The following STPG2 variants were observed in gnomAD, a reference collection of about 807,000 sequenced individuals.
The protein encoded by STPG2 is sperm tail PG-rich repeat containing 2.
STPG2 carries 56 observed loss-of-function variants against 54.2 expected under a neutral mutation model. The observed-to-expected ratio is 1.03, with a 90% CI of 0.83 to 1.29. The LOEUF is 1.29. Ranked by LOEUF, STPG2 falls within the 50% of genes most tolerant of loss-of-function variation. The probability of loss-of-function intolerance (pLI) is 0.00; values close to 1 mark genes in which losing one functional copy is unlikely to be tolerated. For synonymous variants in STPG2, 200 were observed against 181.8 expected (o/e 1.10, Z -0.81); for missense variants, 596 against 544.9 (o/e 1.09, Z -0.93).
At chr4:97,958,136 C>G (rs1456511225) in intron 7 of STPG2, among the ~76,000 whole-genome samples, 1 of 151,912 alleles carries the variant, frequency 6.6e-6, no homozygotes, top group Non-Finnish European at 1.5e-5. Context: ...ATGGTAAAAC[C>G]CTGTCTCTAC....
intron 9 of STPG2, among the ~76,000 whole-genome samples, chr4:97,817,814 C>A (rs1179800203): frequency 1.3e-5 from 2 of 151,842 alleles, no homozygotes; most frequent in Non-Finnish European, 2.9e-5. Flanking sequence ...TTAAAATTTT[C>A]TTTTCCTAAT....
intron 4 of STPG2, among the ~76,000 whole-genome samples, chr4:97,543,722 A>G (rs1406032668): frequency 6.6e-6 from 1 of 152,166 alleles, no homozygotes; most frequent in Non-Finnish European, 1.5e-5. Context: ...TAAGATTTAC[A>G]TAATTTTATT....
intron 8 of STPG2, among the ~76,000 whole-genome samples, chr4:97,859,155 TC>T (rs1729425934): frequency 6.6e-6 from 1 of 152,208 alleles, no homozygotes; most frequent in Non-Finnish European, 1.5e-5. Flanking sequence ...GCAATGTTGA[TC>T]TTTTTTTTCA....
At chr4:97,828,999 G>A (rs983360829) in intron 9 of STPG2, among the ~76,000 whole-genome samples, 8 of 152,156 alleles carry the variant, frequency 5.3e-5, no homozygotes, top group Non-Finnish European at 8.8e-5. Flanking sequence ...AGCAGATCTC[G>A]AAGCACAGCG....
At chr4:97,878,037 C>A (rs1730240665) in intron 8 of STPG2, among the ~76,000 whole-genome samples, 1 of 152,222 alleles carries the variant, frequency 6.6e-6, no homozygotes, top group Non-Finnish European at 1.5e-5. Context: ...TGAAATTCAG[C>A]AGGGCAGTTA....
chr4:98,067,574 T>C (rs1303951432), intron 5 of STPG2, among the ~76,000 whole-genome samples: 1 of 152,138 alleles, frequency 6.6e-6, no homozygotes, highest in Non-Finnish European at 1.5e-5. Flanking sequence ...CTTCGTAAAG[T>C]TTTTGGAGCA....
intron 10 of STPG2, among the ~76,000 whole-genome samples, chr4:97,672,802 G>A (rs1311648696): frequency 6.6e-6 from 1 of 152,212 alleles, no homozygotes; most frequent in Non-Finnish European, 1.5e-5. Context: ...GAAGGCACGT[G>A]ATAATGTTGA....
chr4:97,796,584 T>C (rs957781930), intron 9 of STPG2, among the ~76,000 whole-genome samples: 6 of 152,208 alleles, frequency 3.9e-5, no homozygotes, highest in Non-Finnish European at 7.3e-5. Flanking sequence ...ACTAGTACCA[T>C]GCTGTTTTGG....
chr4:97,457,686 T>G (rs1267021482), intron 4 of STPG2, among the ~76,000 whole-genome samples: 1 of 152,200 alleles, frequency 6.6e-6, no homozygotes, highest in Non-Finnish European at 1.5e-5. Flanking sequence ...TTTAACAGTT[T>G]GCAACAAAAA....
chr4:98,099,867 C>A (rs1738975004), intron 5 of STPG2, among the ~76,000 whole-genome samples: 2 of 151,970 alleles, frequency 1.3e-5, no homozygotes, highest in African/African-American at 2.4e-5. Flanking sequence ...TAACAACTGA[C>A]CTGTACATTT....
chr4:97,682,207 G>A (rs1723059533), intron 10 of STPG2, among the ~76,000 whole-genome samples: 1 of 151,604 alleles, frequency 6.6e-6, no homozygotes, highest in Non-Finnish European at 1.5e-5. Flanking sequence ...CAAAAAATAT[G>A]TCATTTAAAA....
chr4:98,128,316 A>C, intron 3 of STPG2, 112 bp downstream of exon 3: 1 of 1,032,188 alleles, frequency 9.7e-7, no homozygotes, highest in Admixed American at 3.5e-5. Context: ...TGTTCCATTA[A>C]CTAAAACGTG....
chr4:97,537,417 G>A (rs1294636356), intron 4 of STPG2, among the ~76,000 whole-genome samples: 1 of 152,164 alleles, frequency 6.6e-6, no homozygotes, highest in South Asian at 2.1e-4. Context: ...AGGCTTGGAG[G>A]GTCCCACACC....
chr4:97,782,176 G>A (rs1374830954), intron 9 of STPG2, among the ~76,000 whole-genome samples: 1 of 152,188 alleles, frequency 6.6e-6, no homozygotes. Flanking sequence ...TGTATATTTA[G>A]AAAAGCCCAT....
chr4:97,645,523 C>T (rs1721888775), intron 10 of STPG2, among the ~76,000 whole-genome samples: 1 of 152,126 alleles, frequency 6.6e-6, no homozygotes, highest in Admixed American at 6.6e-5. Context: ...TGCCTTTTAA[C>T]CTTTGCCATG....
chr4:97,793,370 T>TACAC (rs3046530), intron 9 of STPG2, among the ~76,000 whole-genome samples: 372 of 147,954 alleles, frequency 2.5e-3, no homozygotes, highest in East Asian at 8.8e-3. Flanking sequence ...GTTTTATATA[T>TACAC]ACACACACAC....
intron 9 of STPG2, among the ~76,000 whole-genome samples, chr4:97,739,177 C>T (rs868486766): frequency 1.3e-5 from 2 of 151,988 alleles, no homozygotes; most frequent in African/African-American, 4.8e-5. Flanking sequence ...AGAACAAAGA[C>T]ACAACATACC....
intron 5 of STPG2, among the ~76,000 whole-genome samples, chr4:98,004,656 A>AT (rs1444189971): frequency 6.6e-6 from 1 of 152,140 alleles, no homozygotes; most frequent in Non-Finnish European, 1.5e-5. Flanking sequence ...ACCTGCTGTC[A>AT]TTTGACTTTT....
intron 8 of STPG2, among the ~76,000 whole-genome samples, chr4:97,890,642 A>T (rs983987339): frequency 6.6e-6 from 1 of 151,918 alleles, no homozygotes; most frequent in South Asian, 2.1e-4. Context: ...AATTATAGTT[A>T]ATAATTTATT....
Sources: allele counts gnomAD v4.1 joint callset (sites outside exome capture counted in the v4.1 genomes callset), GRCh38; gene constraint gnomAD v4.1.1; transcripts MANE v1.5; gene names NCBI Gene and HGNC (gene_info 2026-07-23, HGNC 2026-07-21).